Variants in SNAPC1 observed in about 807,000 individuals in gnomAD.
The protein encoded by SNAPC1 is small nuclear RNA activating complex polypeptide 1.
A neutral mutation model predicts 50.1 loss-of-function variants in SNAPC1; 42 were observed. That is an observed-to-expected ratio of 0.84 (90% CI 0.65 to 1.08). SNAPC1 has a LOEUF of 1.08. SNAPC1 is among the 50% of genes least tolerant of loss of function. The pLI is 0.00. For missense variants in SNAPC1, 477 were observed against 427.3 expected, an observed-to-expected ratio of 1.12 and a Z score of -1.02; for synonymous variants, 164 against 144.2, an observed-to-expected ratio of 1.14 and a Z score of -0.98.
rs147504011 is a variant in SNAPC1, at chr14:61,783,367, A to T, written c.976+970A>T. Among the ~76,000 whole-genome samples, 472 of 151,948 alleles carry T rather than the reference A, an allele frequency of 3.1e-3. 2 individuals carry two copies. Among genetic ancestry groups the T allele is most frequent in the African/African-American group, 8.7e-3 (359 of 41,446 alleles). On this transcript the variant is annotated intron_variant, in intron 8 of 9. Transcript: ENST00000216294. ...TTTTAGTAGTAATTTTTGTGTGCGA[A>T]TCAAACTTATTTGTAGAATGAGATA...
intron 8 of SNAPC1, among the ~76,000 whole-genome samples, chr14:61,791,857 A>G (rs906777406): frequency 6.6e-6 from 1 of 152,128 alleles, no homozygotes; most frequent in African/African-American, 2.4e-5. Flanking sequence ...AAAAAAAAAA[A>G]TAGCTTAAGT....
chr14:61,768,228 G>A (rs1021505849), intron 3 of SNAPC1, among the ~76,000 whole-genome samples: 1 of 152,210 alleles, frequency 6.6e-6, no homozygotes, highest in African/African-American at 2.4e-5. Flanking sequence ...TTTGGCATCT[G>A]CATTTGCTCA....
chr14:61,775,148 C>A (rs1471193096), intron 4 of SNAPC1, among the ~76,000 whole-genome samples: 1 of 152,082 alleles, frequency 6.6e-6, no homozygotes, highest in Non-Finnish European at 1.5e-5. Context: ...GGTATGCTGT[C>A]TTTTTCCTTA....
At chr14:61,793,190 C>T (rs1468432443) in intron 9 of SNAPC1, among the ~76,000 whole-genome samples, 3 of 152,154 alleles carry the variant, frequency 2.0e-5, no homozygotes, top group African/African-American at 4.8e-5. Context: ...GACAGTGTTC[C>T]AGTACTTCTA....
chr14:61,766,773 C>T, intron 1 of SNAPC1, 103 bp from the exon 2 acceptor site: 1 of 604,740 alleles, frequency 1.7e-6, no homozygotes, highest in Admixed American at 3.0e-5. Context: ...GTATGGAATC[C>T]TCATCAAATT....
At chr14:61,794,761 T>G (rs905823809) in intron 9 of SNAPC1, among the ~76,000 whole-genome samples, 188 bp from the exon 10 acceptor site, 3 of 152,210 alleles carry the variant, frequency 2.0e-5, no homozygotes, top group Admixed American at 1.3e-4. Context: ...CTTGAATATG[T>G]CAGGTTTAAG....
intron 4 of SNAPC1, among the ~76,000 whole-genome samples, chr14:61,773,408 T>G (rs1288916841): frequency 2.1e-5 from 3 of 145,934 alleles, no homozygotes; most frequent in Non-Finnish European, 4.5e-5. Flanking sequence ...TTTTTTTTTT[T>G]TTTTTTTTTT....
intron 8 of SNAPC1, among the ~76,000 whole-genome samples, chr14:61,791,635 G>T (rs1213786678): frequency 1.3e-5 from 2 of 152,136 alleles, no homozygotes; most frequent in Non-Finnish European, 2.9e-5. Flanking sequence ...ATCACTTGAG[G>T]TCAGGAGTTT....
chr14:61,788,196 T>C (rs1016576964), intron 8 of SNAPC1, among the ~76,000 whole-genome samples: 1 of 152,186 alleles, frequency 6.6e-6, no homozygotes, highest in Non-Finnish European at 1.5e-5. Context: ...TGAGAAAGAA[T>C]AAAGTATTAT....
intron 4 of SNAPC1, among the ~76,000 whole-genome samples, chr14:61,769,738 A>C (rs928327667): frequency 1.3e-5 from 2 of 152,196 alleles, no homozygotes. Context: ...CCTACCATTG[A>C]AAACAGTGAG....
Position 61,778,845 on chromosome 14 carries a change from C to A in SNAPC1, c.763-3C>A. 1 of 1,548,232 alleles carries A rather than the reference C, an allele frequency of 6.5e-7. No homozygotes were observed. The highest frequency in any genetic ancestry group is 8.7e-7 in the Non-Finnish European group (1 of 1,146,080). Reference sequence around the variant, plus strand: ...TTTTTTTTCCTTCTTATTTTACATCCAGAGATGTGAAAGGGCAGAATCATT... The same window carrying A: ...TTTTTTTTCCTTCTTATTTTACATCAAGAGATGTGAAAGGGCAGAATCATT... On this transcript the variant is annotated splice_region_variant and splice_polypyrimidine_tract_variant and intron_variant, in intron 6 of 9. Transcript: ENST00000216294.
intron 8 of SNAPC1, 105 bp from the exon 9 acceptor site, chr14:61,792,702 A>G (rs2045161280): frequency 1.8e-6 from 1 of 564,142 alleles, no homozygotes; most frequent in Non-Finnish European, 3.0e-6. Context: ...CAGTTTTTAC[A>G]TGTCTAATTT....
chr14:61,794,606 C>T (rs1394924631), intron 9 of SNAPC1, among the ~76,000 whole-genome samples: 1 of 152,124 alleles, frequency 6.6e-6, no homozygotes, highest in African/African-American at 2.4e-5. Flanking sequence ...GATGGGGTTT[C>T]ACCATGTTAG....
At position 61,762,423 on chromosome 14, in the gene SNAPC1, G is replaced by GGCGTGCGGGCTTCGGAT; in HGVS notation, c.-22_-21insTGCGTGCGGGCTTCGGA. ...GACCACCGCTGGCTAGTCCGTTAGA[G>GGCGTGCGGGCTTCGGAT]GCGTGCGGGCTTCGGAGGCGTGCGG... On this transcript the variant is annotated 5_prime_UTR_variant, in exon 1 of 10. In the 5' UTR this introduces an upstream ATG that the reference lacks. Coordinates refer to ENST00000216294, the MANE Select transcript of SNAPC1 (RefSeq NM_003082.4). The GGCGTGCGGGCTTCGGAT allele has an allele frequency of 6.2e-7, 1 of 1,603,832 alleles. No homozygotes were observed. The highest frequency in any genetic ancestry group is 8.5e-7 in the Non-Finnish European group (1 of 1,177,270).
chr14:61,795,201 G>T lies in SNAPC1; in HGVS notation c.*218G>T. On this transcript the variant is annotated 3_prime_UTR_variant, in exon 10 of 10. Coordinates refer to ENST00000216294, the MANE Select transcript of SNAPC1 (RefSeq NM_003082.4). Reference sequence around the variant, plus strand: ...TTCTTTAATGATTTGCATAAATGGAGATAAAACTTGTATTTAGTATGTAAT... The same window carrying T: ...TTCTTTAATGATTTGCATAAATGGATATAAAACTTGTATTTAGTATGTAAT... 2.0e-6 allele frequency: 1 copy of T among 494,564 alleles called. No homozygotes were observed. Among genetic ancestry groups the T allele is most frequent in the Non-Finnish European group, 3.5e-6 (1 of 283,448 alleles). 30.6% of individuals were successfully genotyped at this position (494,564 alleles called of 1,614,324 possible).
chr14:61,785,120 A>G (rs900572385), intron 8 of SNAPC1, among the ~76,000 whole-genome samples: 1 of 152,154 alleles, frequency 6.6e-6, no homozygotes. Context: ...ACAAGTTTCC[A>G]GGCCGGGCGC....
At chr14:61,792,995 C>CT in intron 9 of SNAPC1, 93 bp downstream of exon 9, 1 of 608,894 alleles carries the variant, frequency 1.6e-6, no homozygotes, top group East Asian at 3.0e-5. Context: ...TGACAGTTTG[C>CT]TGTGTGTTCT....
intron 8 of SNAPC1, among the ~76,000 whole-genome samples, chr14:61,789,092 G>A (rs1402672637): frequency 1.1e-4 from 16 of 151,942 alleles, no homozygotes; most frequent in Admixed American, 6.6e-5. Flanking sequence ...TTAGCTGGGT[G>A]TGGTGGCGGG....
rs1243179855 is a variant in SNAPC1 at position 61,776,117 on chromosome 14, A to G, written c.557A>G (p.His186Arg). The G allele has an allele frequency of 6.3e-7, 1 of 1,599,538 alleles. No individual in the cohort carries two copies. Among genetic ancestry groups the G allele is most frequent in the Non-Finnish European group, 8.5e-7 (1 of 1,176,876 alleles). Reference protein sequence around the residue: ...VLEEMLNVHDHYQNMKHVISV... With the variant: ...VLEEMLNVHDRYQNMKHVISV... ...TAGGAAATGCTGAATGTTCATGATC[A>G]TTATCAGAACATGAAACATGTAATT... Residue 186 changes from histidine to arginine, a missense_variant, in exon 5 of 10, where the codon CAT (histidine) becomes CGT (arginine). His to Arg is a conservative substitution (Grantham distance 29). Coordinates refer to ENST00000216294, the MANE Select transcript of SNAPC1 (RefSeq NM_003082.4).
Sources: allele counts gnomAD v4.1 joint callset (sites outside exome capture counted in the v4.1 genomes callset), GRCh38; gene constraint gnomAD v4.1.1; transcripts MANE v1.5; gene names NCBI Gene and HGNC (gene_info 2026-07-23, HGNC 2026-07-21).